The following WASHC3 variants were observed in gnomAD, a reference collection of about 807,000 sequenced individuals.
The protein encoded by WASHC3 is WASH complex subunit 3, also known as WASH complex subunit CCDC53.
In WASHC3, 24 loss-of-function variants were observed where a neutral mutation model predicts 26.1. The observed-to-expected ratio is 0.92, with a 90% CI of 0.66 to 1.29. The LOEUF is 1.29. Among genes scored for constraint, WASHC3 ranks in the 50% most tolerant of loss-of-function variants. WASHC3 has a pLI of 0.00. For synonymous variants in WASHC3, 77 were observed against 75.7 expected (o/e 1.02, Z -0.09); for missense variants, 214 against 229.6 (o/e 0.93, Z 0.44).
intron 2 of WASHC3, among the ~76,000 whole-genome samples, chr12:102,046,549 C>A (rs1169672306): frequency 6.6e-6 from 1 of 152,192 alleles, no homozygotes; most frequent in Non-Finnish European, 1.5e-5. Context: ...TGCTTGGCCT[C>A]CCAAAGTGCT....
chr12:102,027,341 T>C (rs1422556643), intron 5 of WASHC3, among the ~76,000 whole-genome samples: 1 of 152,152 alleles, frequency 6.6e-6, no homozygotes, highest in Admixed American at 6.6e-5. Flanking sequence ...TATATGCTTG[T>C]CCAGATATAC....
chr12:102,043,955 T>G, intron 4 of WASHC3, 150 bp downstream of exon 4: 1 of 437,078 alleles, frequency 2.3e-6, no homozygotes, highest in Non-Finnish European at 4.2e-6. Context: ...ACACAGCTAA[T>G]TTGTTTTTCC....
chr12:102,043,244 C>T (rs1878013774), intron 4 of WASHC3, among the ~76,000 whole-genome samples: 1 of 152,072 alleles, frequency 6.6e-6, no homozygotes, highest in Admixed American at 6.6e-5. Flanking sequence ...AGGGGTTAGA[C>T]AATACCAGAG....
intron 3 of WASHC3, among the ~76,000 whole-genome samples, chr12:102,044,891 CT>C (rs917374904): frequency 6.6e-6 from 1 of 152,168 alleles, no homozygotes; most frequent in Non-Finnish European, 1.5e-5. Context: ...ACCTTCTTTT[CT>C]GAGTTCATCC....
chr12:102,061,296 C>G lies in WASHC3; in HGVS notation c.102G>C (p.Val34=). ...KRTVAFLNQF[V]VHTVQFLNRF... is the part of the protein sequence containing the mutation. ...GGTTGAGGAACTGTACAGTGTGCAC[C>G]ACAAATTGGTTTAGAAAAGCCACCG... Residue 34 remains valine, a synonymous_variant, in exon 2 of 7, where the codon GTG becomes GTC. Transcript: ENST00000240079. 6.2e-7 allele frequency: 1 copy of G among 1,613,894 alleles called. No individual in the cohort carries two copies. Among genetic ancestry groups the G allele is most frequent in the Non-Finnish European group, 8.5e-7 (1 of 1,179,842 alleles).
At chr12:102,053,653 C>T (rs1358855273) in intron 2 of WASHC3, among the ~76,000 whole-genome samples, 2 of 152,016 alleles carry the variant, frequency 1.3e-5, no homozygotes, top group Non-Finnish European at 2.9e-5. Context: ...ACTCAGTGGA[C>T]TTCAGGAAAA....
At chr12:102,024,355 G>C (rs1363456512) in intron 6 of WASHC3, among the ~76,000 whole-genome samples, 1 of 152,186 alleles carries the variant, frequency 6.6e-6, no homozygotes, top group Non-Finnish European at 1.5e-5. Context: ...AAACCAATCA[G>C]TAGCTACTAT....
In WASHC3 at chr12:102,039,944, C is replaced by T. The variant is rs1227198812; in HGVS notation, c.359G>A (p.Ser120Asn). 1.9e-6 allele frequency: 3 copies of T among 1,601,118 alleles called. No homozygotes were observed. Among genetic ancestry groups the T allele is most frequent in the East Asian group, 2.2e-5 (1 of 44,686 alleles). The change falls in exon 5 of 7, where the codon AGT becomes AAT. Residue 120 changes from serine (S) to asparagine (N), a missense_variant. Coordinates refer to ENST00000240079, the MANE Select transcript of WASHC3 (RefSeq NM_016053.4). ...TAAGATATTTTCTGCTGATACTTCACTTTCCTGTAGTCCAGAGTCTTGTGT... is the reference window on the plus strand; with the variant it reads ...TAAGATATTTTCTGCTGATACTTCATTTTCCTGTAGTCCAGAGTCTTGTGT... Reference protein sequence around the residue: ...NSTQDSGLQESEVSAENILTV... With the variant: ...NSTQDSGLQENEVSAENILTV...
intron 6 of WASHC3, among the ~76,000 whole-genome samples, chr12:102,022,891 A>G (rs1877016387): frequency 6.6e-6 from 1 of 152,142 alleles, no homozygotes; most frequent in African/African-American, 2.4e-5. Context: ...CCAAAGACCA[A>G]TTAAAATTTT....
intron 2 of WASHC3, among the ~76,000 whole-genome samples, chr12:102,060,956 C>CAAAAAAAAAAA (rs56001519): frequency 1.6e-4 from 9 of 55,626 alleles, no homozygotes; most frequent in East Asian, 5.5e-4. Context: ...CCCTGTCTCA[C>CAAAAAAAAAAA]AAAAAAAAAA....
intron 6 of WASHC3, among the ~76,000 whole-genome samples, chr12:102,024,869 C>T (rs1460396251): frequency 1.3e-5 from 2 of 152,154 alleles, no homozygotes; most frequent in African/African-American, 2.4e-5. Context: ...AGCCGTCTGG[C>T]TTTTAAAGTC....
rs60815635 is a variant in WASHC3 at position 102,034,781 on chromosome 12, A to AGTGTGTGTGT, written c.435+5077_435+5086dup. Among the ~76,000 whole-genome samples the AGTGTGTGTGT allele has an allele frequency of 2.6e-3, 384 of 146,164 alleles. 4 individuals carry two copies. Among genetic ancestry groups the AGTGTGTGTGT allele is most frequent in the African/African-American group, 7.2e-3 (286 of 39,460 alleles). ...AAACAAATCCAATAGCCTAAAAAAA[A>AGTGTGTGTGT]GTGTGTGTGTGTGTGTGTGTGTGTG... is the stretch of plus-strand genomic sequence containing the variant. On this transcript the variant is annotated intron_variant, in intron 5 of 6. Transcript: ENST00000240079.
intron 2 of WASHC3, among the ~76,000 whole-genome samples, chr12:102,055,058 G>T (rs1050748245): frequency 5.3e-5 from 8 of 151,426 alleles, no homozygotes; most frequent in African/African-American, 1.9e-4. Context: ...ATAATGATCG[G>T]AACAGAAAAA....
chr12:102,015,726 G>A (rs139862757), intron 6 of WASHC3, among the ~76,000 whole-genome samples: 159 of 152,298 alleles, frequency 1.0e-3, no homozygotes, highest in African/African-American at 3.5e-3. Flanking sequence ...TAAAATTTTT[G>A]TGAGGGAGAC....
chr12:102,061,955 T>TCA lies in WASHC3; in HGVS notation c.6_7dup (p.Glu3ValfsTer12), dbSNP rs1263359908. 6.3e-7 allele frequency: 1 copy of TCA among 1,598,266 alleles called. No homozygotes were observed. Among genetic ancestry groups the TCA allele is most frequent in the Admixed American group, 1.7e-5 (1 of 58,362 alleles). Reference sequence around the variant, plus strand: ...TGACCCCATGAGAGGAAGCCCGTCCTCATCCATCTCCTCAGCGGGCGGTGG... The same window carrying TCA: ...TGACCCCATGAGAGGAAGCCCGTCCTCACATCCATCTCCTCAGCGGGCGGTGG... On this transcript the variant is annotated frameshift_variant, in exon 1 of 7. Coordinates refer to ENST00000240079, the MANE Select transcript of WASHC3 (RefSeq NM_016053.4). LOFTEE classifies it high-confidence loss of function.
At chr12:102,053,401 C>T (rs1006264992) in intron 2 of WASHC3, among the ~76,000 whole-genome samples, 5 of 152,232 alleles carry the variant, frequency 3.3e-5, no homozygotes, top group Non-Finnish European at 7.3e-5. Context: ...AGCAGCAAGC[C>T]TGCCATGCAC....
intron 3 of WASHC3, among the ~76,000 whole-genome samples, chr12:102,045,652 C>T (rs1878130019): frequency 6.6e-6 from 1 of 152,094 alleles, no homozygotes; most frequent in Admixed American, 6.6e-5. Context: ...AAGGTATCTG[C>T]AAATAGAAAC....
chr12:102,056,119 T>C (rs1878583290), intron 2 of WASHC3, among the ~76,000 whole-genome samples: 1 of 152,214 alleles, frequency 6.6e-6, no homozygotes, highest in Admixed American at 6.5e-5. Flanking sequence ...AATAATCCCA[T>C]TGTTTTGACG....
intron 5 of WASHC3, among the ~76,000 whole-genome samples, chr12:102,039,619 T>A (rs2136666467): frequency 6.6e-6 from 1 of 152,164 alleles, no homozygotes; most frequent in East Asian, 1.9e-4. Context: ...TAACTTTGTG[T>A]AATGCAAAAA....
Sources: allele counts gnomAD v4.1 joint callset (sites outside exome capture counted in the v4.1 genomes callset), GRCh38; gene constraint gnomAD v4.1.1; transcripts MANE v1.5; gene names NCBI Gene and HGNC (gene_info 2026-07-23, HGNC 2026-07-21).